The following CSNK1G1 variants were observed in gnomAD, a reference collection of about 807,000 sequenced individuals.
The protein encoded by CSNK1G1 is casein kinase 1 gamma 1.
CSNK1G1 carries 22 observed loss-of-function variants against 59.6 expected under a neutral mutation model. The ratio of observed to expected loss-of-function variants is 0.37; its 90% CI spans 0.26 to 0.53. The LOEUF (loss-of-function observed/expected upper bound fraction) is 0.53, where lower values mean the gene tolerates loss of function less well. Among genes scored for constraint, CSNK1G1 ranks in the 20% least tolerant of loss-of-function variants. CSNK1G1 has a pLI of 0.89. For missense variants in CSNK1G1, 384 were observed against 519.5 expected, an observed-to-expected ratio of 0.74 and a Z score of 2.54; for synonymous variants, 179 against 177.1, an observed-to-expected ratio of 1.01 and a Z score of -0.08.
At chr15:64,300,291 GAAGTC>G in intron 2 of CSNK1G1, 23 bp downstream of exon 2, 1 of 1,601,162 alleles carries the variant, frequency 6.2e-7, no homozygotes, top group Non-Finnish European at 8.6e-7. Flanking sequence ...GTTGTTAGTA[GAAGTC>G]ACTGACATAA....
chr15:64,342,955 C>CGCTGCTGCT (rs531910135), intron 1 of CSNK1G1, among the ~76,000 whole-genome samples: 1 of 151,952 alleles, frequency 6.6e-6, no homozygotes, highest in East Asian at 1.9e-4. Context: ...TTCCAGGAGA[C>CGCTGCTGCT]GCTGCTGCTG....
Position 64,234,870 on chromosome 15 carries a change from ATCT to A in CSNK1G1, c.292+16639_292+16641del, listed in dbSNP as rs555524121. 1.6e-3 allele frequency among the ~76,000 whole-genome samples: 248 copies of A among 152,214 alleles called. 2 individuals are homozygous for A. Among genetic ancestry groups the A allele is most frequent in the African/African-American group, 5.7e-3 (238 of 41,530 alleles). On this transcript the variant is annotated intron_variant, in intron 4 of 11. Transcript: ENST00000303052. Reference sequence around the variant, plus strand: ...AAGCTGACCCAAGATGGGTCAGCCAATCTTCTTCTTAGGAATGTGCAGTTGTGA... The same window carrying A: ...AAGCTGACCCAAGATGGGTCAGCCAATCTTCTTAGGAATGTGCAGTTGTGA...
At position 64,169,730 on chromosome 15, in the gene CSNK1G1, A is replaced by G. The variant is rs1385728181; in HGVS notation, c.*2201T>C. ...ACAGTCCTTGTGGGGAAGGGGTGTG[A>G]TATTGTATCTCCCTGCCACTTTATG... is the stretch of plus-strand genomic sequence containing the variant. On this transcript the variant is annotated 3_prime_UTR_variant, in exon 12 of 12. Transcript: ENST00000303052. 1.3e-5 allele frequency: 2 copies of G among 152,202 alleles called. No homozygotes were observed. The highest frequency in any genetic ancestry group is 3.8e-4 in the East Asian group (2 of 5,204). The allele number at this position is 152,202 out of a possible 1,614,324, so 9.4% of individuals were successfully genotyped here. A position where few individuals can be genotyped will look rare whatever the true frequency, so the allele number is the denominator to read the frequency against.
intron 2 of CSNK1G1, among the ~76,000 whole-genome samples, chr15:64,292,103 G>A (rs562172012): frequency 8.6e-5 from 13 of 151,950 alleles, no homozygotes; most frequent in East Asian, 1.9e-4. Flanking sequence ...CCAGCTAGTC[G>A]GGAGGCTTAG....
Position 64,330,034 on chromosome 15 carries a change from T to C in CSNK1G1, c.-225+25954A>G, listed in dbSNP as rs1390098225. 6.0e-5 allele frequency among the ~76,000 whole-genome samples: 9 copies of C among 149,350 alleles called. No homozygotes were observed. The East Asian group carries it at 1.6e-3, about 26-fold the overall frequency. ...GAGCTGAAATTGTGGCAATAATCAATAGTTTACCAACCAAAAAGAGTCCAG... is the reference window on the plus strand; with the variant it reads ...GAGCTGAAATTGTGGCAATAATCAACAGTTTACCAACCAAAAAGAGTCCAG... On this transcript the variant is annotated intron_variant, in intron 1 of 11. Coordinates refer to ENST00000303052, the MANE Select transcript of CSNK1G1 (RefSeq NM_022048.5).
chr15:64,248,163 C>T (rs767415752), intron 4 of CSNK1G1, among the ~76,000 whole-genome samples: 3 of 152,176 alleles, frequency 2.0e-5, no homozygotes, highest in African/African-American at 7.2e-5. Flanking sequence ...GCTGCTCAAA[C>T]ATTAACTACC....
At chr15:64,342,553 T>C (rs1897733103) in intron 1 of CSNK1G1, 2 of 152,222 alleles carry the variant, frequency 1.3e-5, no homozygotes, top group South Asian at 4.1e-4. Context: ...CTTGAATACA[T>C]ACAGATACTT....
intron 2 of CSNK1G1, among the ~76,000 whole-genome samples, chr15:64,279,088 C>T (rs1035322371): frequency 6.6e-6 from 1 of 152,178 alleles, no homozygotes; most frequent in African/African-American, 2.4e-5. Context: ...AATGATCCAC[C>T]TTTTTTTGTA....
rs780718155 is a variant in CSNK1G1, at chr15:64,216,707, C to A, written c.299G>T (p.Gly100Val). Residue 100 changes from glycine to valine, a missense_variant, in exon 5 of 12, where the codon GGT (glycine) becomes GTT (valine). Gly to Val is a moderately radical substitution (Grantham distance 109). Coordinates refer to ENST00000303052, the MANE Select transcript of CSNK1G1 (RefSeq NM_022048.5). The surrounding 1 kb of genome is among the most constrained non-coding windows in gnomAD (Gnocchi z 4.6). ...TCCAAAGTAATACACCTGTGGGAGA[C>A]CTTCACCTGAAAGCAGAGGGGAAAT... Reference protein sequence around the residue: ...FYKQLGSAGEGLPQVYYFGPC... With the variant: ...FYKQLGSAGEVLPQVYYFGPC... 3.7e-6 allele frequency: 6 copies of A among 1,613,822 alleles called. No individual in the cohort carries two copies. Among genetic ancestry groups the A allele is most frequent in the Non-Finnish European group, 5.1e-6 (6 of 1,179,816 alleles).
rs1481539227 is a variant in CSNK1G1 at position 64,176,048 on chromosome 15, C to T, written c.1215-4063G>A. On this transcript the variant is annotated intron_variant, in intron 11 of 11. Coordinates refer to ENST00000303052, the MANE Select transcript of CSNK1G1 (RefSeq NM_022048.5). This position sits in a 1 kb window ranked among gnomAD's most constrained non-coding sequence, Gnocchi z 5.2. ...ATACTGTTATGGCAGGAGGAGACAG[C>T]GATAAGATGGGTTTGAAAGAAGGAA... is the stretch of plus-strand genomic sequence containing the variant. 2.6e-5 allele frequency among the ~76,000 whole-genome samples: 4 copies of T among 152,144 alleles called. No homozygotes were observed. The highest frequency in any genetic ancestry group is 3.9e-4 in the East Asian group (2 of 5,188).
At chr15:64,354,137 C>T (rs1209198598) in intron 1 of CSNK1G1, among the ~76,000 whole-genome samples, 1 of 152,074 alleles carries the variant, frequency 6.6e-6, no homozygotes, top group African/African-American at 2.4e-5. Context: ...AACCCTCTCT[C>T]TACTAAAAAT....
chr15:64,318,826 G>A (rs1220690941), intron 1 of CSNK1G1, among the ~76,000 whole-genome samples: 1 of 151,882 alleles, frequency 6.6e-6, no homozygotes, highest in East Asian at 1.9e-4. Context: ...GGCCGGGCTG[G>A]TCTTGAACTC....
intron 2 of CSNK1G1, among the ~76,000 whole-genome samples, chr15:64,293,112 A>G (rs1372673610): frequency 6.6e-6 from 1 of 152,172 alleles, no homozygotes; most frequent in Non-Finnish European, 1.5e-5. Flanking sequence ...TAAAAATGAG[A>G]AAGTTCTCAC....
At chr15:64,335,361 TA>T (rs922122055) in intron 1 of CSNK1G1, among the ~76,000 whole-genome samples, 3 of 152,078 alleles carry the variant, frequency 2.0e-5, no homozygotes, top group Admixed American at 2.0e-4. Flanking sequence ...GGCATAAAAA[TA>T]AAGTACCACA....
At chr15:64,283,811 T>C (rs2140371992) in intron 2 of CSNK1G1, among the ~76,000 whole-genome samples, 1 of 152,352 alleles carries the variant, frequency 6.6e-6, no homozygotes, top group Non-Finnish European at 1.5e-5. Context: ...TGGTGTTCTT[T>C]GTCACACAAA....
intron 1 of CSNK1G1, among the ~76,000 whole-genome samples, chr15:64,327,005 C>A (rs1458419481): frequency 2.0e-5 from 3 of 151,382 alleles, no homozygotes; most frequent in Non-Finnish European, 3.0e-5. Flanking sequence ...ATATCCCACA[C>A]CTGGCTCGGA....
intron 4 of CSNK1G1, among the ~76,000 whole-genome samples, chr15:64,247,494 TTGG>T (rs1344229569): frequency 6.6e-6 from 1 of 152,234 alleles, no homozygotes; most frequent in East Asian, 1.9e-4. Flanking sequence ...CTTGAAAATC[TTGG>T]TGGTAAAACT....
intron 1 of CSNK1G1, among the ~76,000 whole-genome samples, chr15:64,344,879 T>G (rs1300231550): frequency 1.3e-5 from 2 of 152,154 alleles, no homozygotes; most frequent in African/African-American, 4.8e-5. Context: ...TCTATGAAAC[T>G]CAAGAAACAC....
chr15:64,252,713 G>A (rs1348559069), intron 3 of CSNK1G1, among the ~76,000 whole-genome samples: 1 of 152,130 alleles, frequency 6.6e-6, no homozygotes, highest in Non-Finnish European at 1.5e-5. Flanking sequence ...ATTAAAATAT[G>A]TAACTTCAAT....
Sources: allele counts gnomAD v4.1 joint callset (sites outside exome capture counted in the v4.1 genomes callset), GRCh38; gene constraint gnomAD v4.1.1; non-coding constraint Gnocchi (gnomAD v3.1); transcripts MANE v1.5; gene names NCBI Gene and HGNC (gene_info 2026-07-23, HGNC 2026-07-21).